The following PTPRJ variants were observed in gnomAD, a reference collection of about 807,000 sequenced individuals.
PTPRJ encodes the protein protein tyrosine phosphatase receptor type J.
In PTPRJ, 129 loss-of-function variants were observed where a neutral mutation model predicts 141.3. The ratio of observed to expected loss-of-function variants is 0.91; its 90% CI spans 0.79 to 1.06. The LOEUF (loss-of-function observed/expected upper bound fraction) is 1.06. PTPRJ is among the 50% of genes least tolerant of loss of function. The probability of loss-of-function intolerance (pLI) is 0.00; values close to 1 mark genes in which losing one functional copy is unlikely to be tolerated. For missense variants in PTPRJ, 1,601 were observed against 1,679.7 expected, an observed-to-expected ratio of 0.95 and a Z score of 0.82; for synonymous variants, 610 against 640.5, an observed-to-expected ratio of 0.95 and a Z score of 0.72.
At chr11:48,085,630 T>A (rs1226841919) in intron 1 of PTPRJ, among the ~76,000 whole-genome samples, 2 of 152,108 alleles carry the variant, frequency 1.3e-5, no homozygotes, top group Non-Finnish European at 2.9e-5. Context: ...CGGGCTGGGA[T>A]TGCGGGCATG....
chr11:48,152,630 C>T (rs1023181062), intron 18 of PTPRJ, among the ~76,000 whole-genome samples: 2 of 151,914 alleles, frequency 1.3e-5, no homozygotes, highest in African/African-American at 2.4e-5. Context: ...TTGTCAGTTT[C>T]AGCTTTCTAC....
rs147086916 is a variant in PTPRJ, at chr11:47,993,361, C to T, written c.96+12353C>T. ...AGGCTGGAGTGCAGTGTTGCGATCT[C>T]GGCTCCCTGCAGCCTCCACCTCCTG... On this transcript the variant is annotated intron_variant, in intron 1 of 24. Transcript: ENST00000418331. Among the ~76,000 whole-genome samples the T allele has an allele frequency of 1.2e-3, 182 of 151,948 alleles. 6 individuals carry two copies. The East Asian group carries it at 0.033, about 28-fold the overall frequency.
At chr11:48,137,550 A>C (rs1051910536) in intron 10 of PTPRJ, among the ~76,000 whole-genome samples, 1 of 152,222 alleles carries the variant, frequency 6.6e-6, no homozygotes, top group African/African-American at 2.4e-5. Flanking sequence ...ATGTTTACCT[A>C]GAGTGCTCAG....
chr11:47,980,623 C>T lies in PTPRJ; in HGVS notation c.-290C>T. On this transcript the variant is annotated 5_prime_UTR_variant, in exon 1 of 25. Coordinates refer to ENST00000418331, the MANE Select transcript of PTPRJ (RefSeq NM_002843.4). Reference sequence around the variant, plus strand: ...AGCCGCGGGAGCCGGGACCGGGTAGCCGCGCGCTGGGGGTGGGCGCCGCTC... The same window carrying T: ...AGCCGCGGGAGCCGGGACCGGGTAGTCGCGCGCTGGGGGTGGGCGCCGCTC... The T allele has an allele frequency of 3.0e-6, 3 of 983,832 alleles. No individual in the cohort carries two copies. The highest frequency in any genetic ancestry group is 3.6e-6 in the Non-Finnish European group (3 of 829,842). 60.9% of individuals were successfully genotyped at this position (983,832 alleles called of 1,614,324 possible). A position where few individuals can be genotyped will look rare whatever the true frequency, so the allele number is the denominator to read the frequency against.
intron 1 of PTPRJ, among the ~76,000 whole-genome samples, chr11:48,106,767 T>C (rs36111682): frequency 0.035 from 4,386 of 123,658 alleles, 52 homozygotes; most frequent in Non-Finnish European, 0.049. Context: ...TTCTTTCTTT[T>C]TTTTTTTTTT....
chr11:48,149,314 CAGCTGTGAACTAATGCCTGAGGAAAA>C, intron 15 of PTPRJ, 107 bp from the exon 16 acceptor site: 1 of 674,742 alleles, frequency 1.5e-6, no homozygotes, highest in Non-Finnish European at 2.6e-6. Context: ...GATTTGGTGT[CAGCTGTGAACTAATGCCTGAGGAAAA>C]GGTGTAACAC....
intron 1 of PTPRJ, among the ~76,000 whole-genome samples, chr11:48,038,986 C>T (rs953561511): frequency 2.4e-4 from 37 of 151,116 alleles, no homozygotes; most frequent in African/African-American, 8.5e-4. Flanking sequence ...CCCGTCTCTA[C>T]TAAAAATACA....
Position 48,053,811 on chromosome 11 carries a change from A to C in PTPRJ, c.97-56247A>C, listed in dbSNP as rs186698808. Among the ~76,000 whole-genome samples the C allele has an allele frequency of 2.5e-3, 370 of 150,374 alleles. 4 individuals carry two copies. Among genetic ancestry groups the C allele is most frequent in the Admixed American group, 0.016 (242 of 15,008 alleles). The stretch of plus-strand genomic sequence containing the variant: ...AGGCTGGTGTCGAACTCCTGACCTC[A>C]TGATCCGCCCACCTTGACCTCCCAA... On this transcript the variant is annotated intron_variant, in intron 1 of 24. Transcript: ENST00000418331.
chr11:48,026,241 C>T (rs1853808201), intron 1 of PTPRJ, among the ~76,000 whole-genome samples: 1 of 152,192 alleles, frequency 6.6e-6, no homozygotes, highest in African/African-American at 2.4e-5. Context: ...GTGACTTAGA[C>T]ACTTGATGGT....
At position 48,137,003 on chromosome 11, in the gene PTPRJ, G is replaced by A; in HGVS notation, c.1874G>A (p.Arg625Gln). The A allele has an allele frequency of 6.3e-7, 1 of 1,588,932 alleles. No homozygotes were observed. Among genetic ancestry groups the A allele is most frequent in the Non-Finnish European group, 8.6e-7 (1 of 1,160,098 alleles). ...GDPNSTAQYT[R>Q]PSNVSNIDVS... is the part of the protein sequence containing the mutation. ...GAATTGCCTTTTTTTTAAAATCAAG[G>A]GCCCAGCAATGTGTCCAACATTGAT... The change falls in exon 10 of 25, where the codon CGG (arginine) becomes CAG (glutamine). Residue 625 changes from arginine to glutamine, a missense_variant and splice_region_variant. Coordinates refer to ENST00000418331, the MANE Select transcript of PTPRJ (RefSeq NM_002843.4).
rs1853878817 is a variant in PTPRJ, at chr11:47,980,780, G to A, written c.-133G>A. 1 of 1,030,006 alleles carries A rather than the reference G, an allele frequency of 9.7e-7. No homozygotes were observed. Among genetic ancestry groups the A allele is most frequent in the South Asian group, 4.6e-5 (1 of 21,944 alleles). 63.8% of individuals were successfully genotyped at this position (1,030,006 alleles called of 1,614,324 possible). On this transcript the variant is annotated 5_prime_UTR_variant, in exon 1 of 25. Transcript: ENST00000418331. ...CGGGGAAGCCCGGGGCGGGCGGAGC[G>A]GGGACGAGGCGGACCGGCTGGCGGA... is the stretch of plus-strand genomic sequence containing the variant.
chr11:48,160,498 T>C (rs1294515865), intron 22 of PTPRJ, among the ~76,000 whole-genome samples: 2 of 152,180 alleles, frequency 1.3e-5, no homozygotes, highest in Admixed American at 1.3e-4. Context: ...CCCCTCAAAA[T>C]TTACAAAAGC....
At chr11:48,101,226 G>C (rs996444710) in intron 1 of PTPRJ, among the ~76,000 whole-genome samples, 2 of 152,206 alleles carry the variant, frequency 1.3e-5, no homozygotes, top group South Asian at 2.1e-4. Flanking sequence ...GTTAGGTCAC[G>C]GGTCCGGGGA....
chr11:48,051,381 C>T (rs1026820646), intron 1 of PTPRJ, among the ~76,000 whole-genome samples: 1 of 152,170 alleles, frequency 6.6e-6, no homozygotes, highest in Non-Finnish European at 1.5e-5. Flanking sequence ...AGGCGTGAGC[C>T]ATTGCACCTG....
intron 1 of PTPRJ, among the ~76,000 whole-genome samples, chr11:48,067,584 C>A (rs1855119781): frequency 6.6e-6 from 1 of 152,128 alleles, no homozygotes; most frequent in African/African-American, 2.4e-5. Context: ...ATTTGACAGG[C>A]CAGGCAACAG....
At chr11:48,066,326 T>G (rs1855080462) in intron 1 of PTPRJ, among the ~76,000 whole-genome samples, 2 of 146,178 alleles carry the variant, frequency 1.4e-5, no homozygotes, top group African/African-American at 4.9e-5. Context: ...GACTTTCCAC[T>G]TGGAAAGCTT....
intron 10 of PTPRJ, 49 bp from the exon 11 acceptor site, chr11:48,139,437 C>G: frequency 6.3e-7 from 1 of 1,589,992 alleles, no homozygotes; most frequent in Non-Finnish European, 8.6e-7. Context: ...TCCATGTTTG[C>G]AAAGGCAAAA....
At chr11:48,093,613 G>A (rs543858825) in intron 1 of PTPRJ, among the ~76,000 whole-genome samples, 9 of 152,184 alleles carry the variant, frequency 5.9e-5, no homozygotes, top group Non-Finnish European at 1.2e-4. Flanking sequence ...TGTAACAAGC[G>A]ATTTTATGTA....
intron 1 of PTPRJ, among the ~76,000 whole-genome samples, chr11:48,096,097 T>C (rs1855996461): frequency 6.6e-6 from 1 of 152,226 alleles, no homozygotes; most frequent in Non-Finnish European, 1.5e-5. Flanking sequence ...ACTTACTCAG[T>C]TGATCACAGT....
Sources: gnomAD v4.1 joint callset for allele counts (sites outside exome capture counted in the v4.1 genomes callset) on GRCh38, gnomAD v4.1.1 for gene constraint, MANE v1.5 for transcripts, NCBI Gene and HGNC (gene_info 2026-07-23, HGNC 2026-07-21) for gene names.